The following GALK2 variants were observed in gnomAD, a reference collection of about 807,000 sequenced individuals.
GALK2 encodes N-acetylgalactosamine kinase.
Under a neutral mutation model 52.4 loss-of-function variants are expected in GALK2, and 36 were observed. That is an observed-to-expected ratio of 0.69 (90% CI 0.53 to 0.91). GALK2 has a LOEUF of 0.91. Ranked by LOEUF, GALK2 falls within the 40% of genes least tolerant of loss-of-function variation. The probability of loss-of-function intolerance (pLI) is 0.00; values close to 1 mark genes in which losing one functional copy is unlikely to be tolerated. For missense variants in GALK2, 579 were observed against 559.1 expected (o/e 1.04, Z -0.36); for synonymous variants, 176 against 199.1 (o/e 0.88, Z 0.98).
At chr15:49,357,412 G>A (rs1375320575) in intron 3 of GALK2, among the ~76,000 whole-genome samples, 102 of 150,428 alleles carry the variant, frequency 6.8e-4, no homozygotes, top group Middle Eastern at 6.9e-3. Context: ...TATCACCACC[G>A]ATCCCACAGA....
chr15:49,238,544 G>A (rs1354471001), intron 4 of GALK2, among the ~76,000 whole-genome samples: 3 of 152,140 alleles, frequency 2.0e-5, no homozygotes, highest in South Asian at 2.1e-4. Context: ...TCACAATGAC[G>A]GTTTGCTGGC....
At chr15:49,355,452 T>G (rs2042986343) in intron 3 of GALK2, among the ~76,000 whole-genome samples, 1 of 151,988 alleles carries the variant, frequency 6.6e-6, no homozygotes, top group African/African-American at 2.4e-5. Context: ...TGCAGAAGCC[T>G]CAGGAGCCGA....
At chr15:49,359,327 G>A (rs796491377) in intron 3 of GALK2, among the ~76,000 whole-genome samples, 1,960 of 120,012 alleles carry the variant, frequency 0.016, 277 homozygotes, top group South Asian at 0.038. Flanking sequence ...GAAAATTTTC[G>A]CAACCTACTC....
In GALK2 at chr15:49,348,087, T is replaced by TA. The variant is rs1392610136; in HGVS notation, c.427-19403dup. On this transcript the variant is annotated intron_variant, in intron 3 of 3. Coordinates refer to the GALK2 transcript ENST00000558399. ...AGTGCTTCAAATGATCAGCTTTAGT[T>TA]ATCTGGAAAATTTAATTATGGGCCA... 5.9e-5 allele frequency among the ~76,000 whole-genome samples: 9 copies of TA among 151,772 alleles called. No individual in the cohort carries two copies. The South Asian group carries it at 1.9e-3, about 32-fold the overall frequency.
chr15:49,290,938 G>C (rs1360739846), intron 7 of GALK2, among the ~76,000 whole-genome samples: 1 of 151,980 alleles, frequency 6.6e-6, no homozygotes, highest in Admixed American at 6.6e-5. Flanking sequence ...TTAACTAGTT[G>C]AGTTACTTTG....
At chr15:49,346,568 T>C (rs559092800) in intron 3 of GALK2, among the ~76,000 whole-genome samples, 78 of 152,264 alleles carry the variant, frequency 5.1e-4, no homozygotes, top group African/African-American at 1.9e-3. Flanking sequence ...CAGTGATTGA[T>C]TCACTGTGCA....
At chr15:49,200,518 A>C (rs1270750214) in intron 1 of GALK2, among the ~76,000 whole-genome samples, 1 of 152,248 alleles carries the variant, frequency 6.6e-6, no homozygotes, top group African/African-American at 2.4e-5. Flanking sequence ...CCTTACAAGA[A>C]GGAAAAACAG....
chr15:49,245,096 GA>G, intron 5 of GALK2, among the ~76,000 whole-genome samples: 1 of 152,130 alleles, frequency 6.6e-6, no homozygotes, highest in East Asian at 1.9e-4. Context: ...CAACAAATAT[GA>G]ATTTAAGCAA....
intron 9 of GALK2, among the ~76,000 whole-genome samples, chr15:49,325,414 G>T (rs2037310220): frequency 1.3e-5 from 2 of 152,108 alleles, no homozygotes; most frequent in Non-Finnish European, 2.9e-5. Flanking sequence ...ATGTTTTATT[G>T]TTCTTCCAGA....
downstream of GALK2, among the ~76,000 whole-genome samples, chr15:49,332,176 A>C (rs2038918724): frequency 6.6e-6 from 1 of 152,024 alleles, no homozygotes; most frequent in Admixed American, 6.6e-5. Context: ...ACTGTGACTC[A>C]AGCCTTCAGT....
At chr15:49,228,679 A>ATT (rs1566957885) in intron 3 of GALK2, among the ~76,000 whole-genome samples, 1 of 11,390 alleles carries the variant, frequency 8.8e-5, no homozygotes, top group African/African-American at 3.6e-4. Flanking sequence ...ATATATATAT[A>ATT]TATATATATT....
At chr15:49,249,249 T>G (rs566342524) in intron 5 of GALK2, among the ~76,000 whole-genome samples, 1 of 152,356 alleles carries the variant, frequency 6.6e-6, no homozygotes, top group South Asian at 2.1e-4. Context: ...TCACAGAGGT[T>G]ATGGTAGCCA....
chr15:49,245,295 C>T (rs774698395), intron 5 of GALK2, among the ~76,000 whole-genome samples: 16 of 152,034 alleles, frequency 1.1e-4, no homozygotes, highest in Admixed American at 8.5e-4. Flanking sequence ...AAGTATTTGC[C>T]GTTGTACACA....
intron 8 of GALK2, among the ~76,000 whole-genome samples, chr15:49,310,950 C>T (rs1428341791): frequency 6.6e-6 from 1 of 152,110 alleles, no homozygotes; most frequent in Non-Finnish European, 1.5e-5. Flanking sequence ...TTGTCTTACG[C>T]ATAAGTTCTT....
chr15:49,234,522 A>C (rs2090683537), intron 3 of GALK2, among the ~76,000 whole-genome samples: 1 of 152,182 alleles, frequency 6.6e-6, no homozygotes, highest in Admixed American at 6.5e-5. Context: ...TCATGGCAGA[A>C]AGCAAATGAG....
At chr15:49,185,901 CT>C (rs1479769284) in intron 1 of GALK2, among the ~76,000 whole-genome samples, 2 of 151,882 alleles carry the variant, frequency 1.3e-5, no homozygotes, top group Admixed American at 1.3e-4. Context: ...ACATTTTTTT[CT>C]TTCAGCACTT....
Position 49,177,112 on chromosome 15 carries a change from C to A in GALK2, c.53+6737C>A, listed in dbSNP as rs56271629. ...TTCTAGTATTGATTATGTTTAATGA[C>A]ACTCAAAGTTCTTTTTCTATATATT... On this transcript the variant is annotated intron_variant, in intron 1 of 9. Coordinates refer to ENST00000560031, the MANE Select transcript of GALK2 (RefSeq NM_002044.4). Among the ~76,000 whole-genome samples, 1,205 of 151,896 alleles carry A rather than the reference C, an allele frequency of 7.9e-3. 11 individuals are homozygous for A. The highest frequency in any genetic ancestry group is 0.014 in the Non-Finnish European group (965 of 67,942).
At chr15:49,232,526 C>T (rs1401039463) in intron 3 of GALK2, among the ~76,000 whole-genome samples, 3 of 152,204 alleles carry the variant, frequency 2.0e-5, no homozygotes, top group Middle Eastern at 3.2e-3. Flanking sequence ...GCTTGAACTC[C>T]TCCTCCAAAA....
chr15:49,251,636 T>G (rs2091607162), intron 5 of GALK2, among the ~76,000 whole-genome samples: 1 of 152,160 alleles, frequency 6.6e-6, no homozygotes, highest in Non-Finnish European at 1.5e-5. Flanking sequence ...GACTGAAGCT[T>G]TATGCCAGTT....
Sources: allele counts gnomAD v4.1 joint callset (sites outside exome capture counted in the v4.1 genomes callset), GRCh38; gene constraint gnomAD v4.1.1; transcripts MANE v1.5; gene names NCBI Gene and HGNC (gene_info 2026-07-23, HGNC 2026-07-21).